The following ABCA13 variants were observed in gnomAD, a reference collection of about 807,000 sequenced individuals.
ABCA13 encodes ATP binding cassette subfamily A member 13, also known as ATP-binding cassette sub-family A member 13.
Under a neutral mutation model 478.7 loss-of-function variants are expected in ABCA13, and 476 were observed. The ratio of observed to expected loss-of-function variants is 0.99; its 90% CI spans 0.92 to 1.07. The LOEUF (loss-of-function observed/expected upper bound fraction) is 1.07. Ranked by LOEUF, ABCA13 falls within the 50% of genes least tolerant of loss-of-function variation. The probability of loss-of-function intolerance (pLI) is 0.00; values close to 1 mark genes in which losing one functional copy is unlikely to be tolerated. For synonymous variants in ABCA13, 2,252 were observed against 2,158.9 expected (o/e 1.04, Z -1.20); for missense variants, 6,060 against 5,910.6 (o/e 1.03, Z -0.83).
chr7:48,210,028 A>G (rs1562785585), intron 3 of ABCA13, among the ~76,000 whole-genome samples: 1 of 151,938 alleles, frequency 6.6e-6, no homozygotes, highest in Non-Finnish European at 1.5e-5. Context: ...TGCTTTTCTA[A>G]TTCTTTAAGA....
At chr7:48,644,572 A>G (rs773834313) in intron 60 of ABCA13, 45 bp from the exon 61 acceptor site, 2 of 1,544,388 alleles carry the variant, frequency 1.3e-6, no homozygotes, top group African/African-American at 2.8e-5. Flanking sequence ...TTGTTTAATA[A>G]TGCTAGTTAT....
Position 48,280,123 on chromosome 7 carries a change from A to G in ABCA13, c.8726+203A>G, listed in dbSNP as rs551340777. On this transcript the variant is annotated intron_variant, in intron 18 of 61. Transcript: ENST00000435803. ...TCGACTCATTATTTGGCATTCAAATATAATTGCAGTTTATTCAAAATATTT... is the reference window on the plus strand; with the variant it reads ...TCGACTCATTATTTGGCATTCAAATGTAATTGCAGTTTATTCAAAATATTT... 3.2e-4 allele frequency among the ~76,000 whole-genome samples: 48 copies of G among 152,346 alleles called. 1 individual carries two copies. Among genetic ancestry groups the G allele is most frequent in the South Asian group, 1.2e-3 (6 of 4,824 alleles).
chr7:48,316,622 G>A (rs538670243), intron 26 of ABCA13, among the ~76,000 whole-genome samples: 6 of 152,270 alleles, frequency 3.9e-5, no homozygotes, highest in African/African-American at 1.4e-4. Context: ...CAGACACTGG[G>A]TAATTTGTAA....
At chr7:48,555,322 T>A (rs1785707217) in intron 55 of ABCA13, among the ~76,000 whole-genome samples, 1 of 151,912 alleles carries the variant, frequency 6.6e-6, no homozygotes. Context: ...CTGATGTGGG[T>A]ATTAAGGTAA....
In ABCA13 at chr7:48,290,882, G is replaced by A. The variant is rs377244331; in HGVS notation, c.8955+2804G>A. ...ATCTCTTTGGAGCAAGGAGAATACC[G>A]AGCCTGAAATGCCTGGGTGAGAGAA... is the stretch of plus-strand genomic sequence containing the variant. On this transcript the variant is annotated intron_variant, in intron 20 of 61. Coordinates refer to ENST00000435803, the MANE Select transcript of ABCA13 (RefSeq NM_152701.5). 2.0e-4 allele frequency among the ~76,000 whole-genome samples: 26 copies of A among 128,630 alleles called. 1 individual carries two copies. The South Asian group carries it at 6.2e-3, about 31-fold the overall frequency. The allele number at this position is 128,630 out of a possible 152,430, so 84.4% of individuals were successfully genotyped here.
chr7:48,517,843 G>A (rs1466616729), intron 52 of ABCA13, among the ~76,000 whole-genome samples: 1 of 152,158 alleles, frequency 6.6e-6, no homozygotes, highest in African/African-American at 2.4e-5. Context: ...GCTGAGAAAT[G>A]ACCTGGAAAA....
chr7:48,421,453 G>C (rs1820729270), intron 41 of ABCA13, among the ~76,000 whole-genome samples: 1 of 152,198 alleles, frequency 6.6e-6, no homozygotes, highest in African/African-American at 2.4e-5. Context: ...TCTACTCAAT[G>C]AGTTACAATT....
chr7:48,471,937 A>G (rs930772321), intron 45 of ABCA13, among the ~76,000 whole-genome samples: 2 of 152,186 alleles, frequency 1.3e-5, no homozygotes, highest in East Asian at 1.9e-4. Context: ...TCAAGGCAGC[A>G]TGACCTCAAG....
chr7:48,283,224 G>C (rs10278121), intron 19 of ABCA13, among the ~76,000 whole-genome samples: 11,825 of 152,104 alleles, frequency 0.078, 566 homozygotes, highest in East Asian at 0.18. Flanking sequence ...GGTGGGTGTG[G>C]GCCACTGAGT....
Position 48,312,299 on chromosome 7 carries a change from G to A in ABCA13, c.9517-768G>A, listed in dbSNP as rs570685651. ...AGCTGTGATTTTCCCTGCTCTGTGCGAAGAGCTGGCATTTCCTCATTTATC... is the reference window on the plus strand; with the variant it reads ...AGCTGTGATTTTCCCTGCTCTGTGCAAAGAGCTGGCATTTCCTCATTTATC... On this transcript the variant is annotated intron_variant, in intron 24 of 61. Transcript: ENST00000435803. Among the ~76,000 whole-genome samples the A allele has an allele frequency of 2.6e-5, 4 of 152,310 alleles. No homozygotes were observed. In the South Asian group the frequency reaches 8.3e-4, roughly 32 times the overall value.
chr7:48,338,829 A>T (rs1267311517), intron 29 of ABCA13, among the ~76,000 whole-genome samples: 1 of 152,266 alleles, frequency 6.6e-6, no homozygotes, highest in Non-Finnish European at 1.5e-5. Flanking sequence ...GGAAGCTCAG[A>T]TAAAAACATT....
intron 58 of ABCA13, among the ~76,000 whole-genome samples, chr7:48,598,297 C>A (rs1331641992): frequency 6.6e-6 from 1 of 152,162 alleles, no homozygotes; most frequent in Non-Finnish European, 1.5e-5. Flanking sequence ...ATTCCACTAT[C>A]TGGATGTACT....
intron 42 of ABCA13, among the ~76,000 whole-genome samples, chr7:48,432,465 A>C (rs1822276007): frequency 6.6e-6 from 1 of 152,164 alleles, no homozygotes. Flanking sequence ...GAATCCCATT[A>C]CTTGGTATAT....
At chr7:48,280,286 C>T (rs1337884918) in intron 18 of ABCA13, among the ~76,000 whole-genome samples, 1 of 152,184 alleles carries the variant, frequency 6.6e-6, no homozygotes, top group African/African-American at 2.4e-5. Context: ...CACACAAGAA[C>T]ATGAAGCTGC....
intron 55 of ABCA13, among the ~76,000 whole-genome samples, chr7:48,554,273 T>C (rs1031338859): frequency 1.3e-5 from 2 of 152,112 alleles, no homozygotes; most frequent in African/African-American, 4.8e-5. Flanking sequence ...CCTCTAGTTT[T>C]GTTCTTTTTG....
At chr7:48,497,548 C>A (rs894979555) in intron 48 of ABCA13, among the ~76,000 whole-genome samples, 27 of 152,300 alleles carry the variant, frequency 1.8e-4, no homozygotes, top group African/African-American at 6.5e-4. Flanking sequence ...AGCAGGCAAG[C>A]CCTCTGTTGA....
At chr7:48,504,958 G>A (rs1831072058) in intron 48 of ABCA13, among the ~76,000 whole-genome samples, 1 of 152,166 alleles carries the variant, frequency 6.6e-6, no homozygotes, top group South Asian at 2.1e-4. Context: ...ACTGGTGGGT[G>A]TTATTGGTCC....
chr7:48,263,607 G>A (rs73697111), intron 15 of ABCA13, among the ~76,000 whole-genome samples: 5,566 of 151,846 alleles, frequency 0.037, 310 homozygotes, highest in African/African-American at 0.12. Context: ...AGTATCGTAG[G>A]CACATGCAAT....
rs937349782 is a variant in ABCA13, at chr7:48,607,907, G to A, written c.14745-7378G>A. ...TATTTTTTATTTTTATTTTTGGACC[G>A]TCTCATTCTGTTGCCCAGGCTGGAG... is the stretch of plus-strand genomic sequence containing the variant. On this transcript the variant is annotated intron_variant, in intron 58 of 61. Coordinates refer to ENST00000435803, the MANE Select transcript of ABCA13 (RefSeq NM_152701.5). 5.3e-5 allele frequency among the ~76,000 whole-genome samples: 8 copies of A among 151,918 alleles called. 1 individual carries two copies. Among genetic ancestry groups the A allele is most frequent in the South Asian group, 4.2e-4 (2 of 4,812 alleles).
Sources: gnomAD v4.1 joint callset for allele counts (sites outside exome capture counted in the v4.1 genomes callset) on GRCh38, gnomAD v4.1.1 for gene constraint, MANE v1.5 for transcripts, NCBI Gene and HGNC (gene_info 2026-07-23, HGNC 2026-07-21) for gene names.